The following SLC24A3 variants were observed in gnomAD, a reference collection of about 807,000 sequenced individuals.
SLC24A3 encodes the protein sodium/potassium/calcium exchanger 3.
Under a neutral mutation model 75.8 loss-of-function variants are expected in SLC24A3, and 28 were observed. The observed-to-expected ratio is 0.37, with a 90% CI of 0.27 to 0.51. SLC24A3 has a LOEUF of 0.51. Ranked by LOEUF, SLC24A3 falls within the 20% of genes least tolerant of loss-of-function variation. SLC24A3 has a pLI of 0.94. For missense variants in SLC24A3, 663 were observed against 847.8 expected (o/e 0.78, Z 2.71); for synonymous variants, 372 against 334.1 (o/e 1.11, Z -1.24).
intron 3 of SLC24A3, among the ~76,000 whole-genome samples, chr20:19,522,706 G>A (rs562156131): frequency 7.2e-4 from 110 of 152,216 alleles, no homozygotes; most frequent in African/African-American, 2.5e-3. Flanking sequence ...GTGAGCAACA[G>A]AACGGGGTGG....
At chr20:19,361,707 T>C (rs969931442) in intron 2 of SLC24A3, among the ~76,000 whole-genome samples, 19 of 152,206 alleles carry the variant, frequency 1.2e-4, no homozygotes, top group Admixed American at 1.0e-3. Flanking sequence ...CAGGGAAAAG[T>C]GTGTTGATGT....
At position 19,454,040 on chromosome 20, in the gene SLC24A3, C is replaced by A. The variant is rs1367000398; in HGVS notation, c.272-61448C>A. Among the ~76,000 whole-genome samples the A allele has an allele frequency of 8.5e-5, 13 of 152,222 alleles. 1 individual carries two copies. Among genetic ancestry groups the A allele is most frequent in the Admixed American group, 8.5e-4 (13 of 15,290 alleles). ...GATGCTAATGAATTATTCCTTGAAG[C>A]CTGACCAGCCTAGAGATACTCCCAT... is the stretch of plus-strand genomic sequence containing the variant. On this transcript the variant is annotated intron_variant, in intron 2 of 16. Coordinates refer to ENST00000328041, the MANE Select transcript of SLC24A3 (RefSeq NM_020689.4).
At position 19,325,779 on chromosome 20, in the gene SLC24A3, T is replaced by TAC. The variant is rs1157477036; in HGVS notation, c.271+44693_271+44694insCA. ...ATACATACATACATATATATATACA[T>TAC]ATATATATATATATATAGAGAGAGA... On this transcript the variant is annotated intron_variant, in intron 2 of 16. Coordinates refer to ENST00000328041, the MANE Select transcript of SLC24A3 (RefSeq NM_020689.4). 1.3e-4 allele frequency among the ~76,000 whole-genome samples: 11 copies of TAC among 87,358 alleles called. 1 individual carries two copies. The highest frequency in any genetic ancestry group is 2.7e-4 in the Non-Finnish European group (11 of 41,438). The allele number at this position is 87,358 out of a possible 152,430, so 57.3% of individuals were successfully genotyped here.
chr20:19,690,030 CAA>C (rs538406361), intron 12 of SLC24A3, among the ~76,000 whole-genome samples: 2,965 of 87,712 alleles, frequency 0.034, 23 homozygotes, highest in Middle Eastern at 0.12. Flanking sequence ...GACTCTGTCT[CAA>C]AAAAAAAAAA....
At chr20:19,661,985 G>A (rs1217099179) in intron 7 of SLC24A3, among the ~76,000 whole-genome samples, 1 of 152,196 alleles carries the variant, frequency 6.6e-6, no homozygotes, top group Non-Finnish European at 1.5e-5. Context: ...GTACCCAGCC[G>A]TTTCTCTGAA....
At chr20:19,352,044 C>G (rs139463104) in intron 2 of SLC24A3, among the ~76,000 whole-genome samples, 10 of 149,124 alleles carry the variant, frequency 6.7e-5, no homozygotes, top group Non-Finnish European at 1.3e-4. Context: ...GGGAGAGAAG[C>G]AGGACAGGGC....
chr20:19,658,985 C>T (rs2032296656), intron 7 of SLC24A3, among the ~76,000 whole-genome samples: 1 of 152,186 alleles, frequency 6.6e-6, no homozygotes, highest in East Asian at 1.9e-4. Flanking sequence ...TACATAAATG[C>T]AAATGATTCA....
At chr20:19,289,977 A>G (rs1983899619) in intron 2 of SLC24A3, among the ~76,000 whole-genome samples, 1 of 152,194 alleles carries the variant, frequency 6.6e-6, no homozygotes. Flanking sequence ...GCCTTAGGTC[A>G]CATAATCTGG....
intron 6 of SLC24A3, among the ~76,000 whole-genome samples, chr20:19,644,307 C>T (rs940040210): frequency 6.6e-6 from 1 of 152,180 alleles, no homozygotes; most frequent in Non-Finnish European, 1.5e-5. Flanking sequence ...ACCCTGAATT[C>T]TCTGTCCTCT....
At chr20:19,353,862 T>C (rs928188555) in intron 2 of SLC24A3, among the ~76,000 whole-genome samples, 1 of 152,334 alleles carries the variant, frequency 6.6e-6, no homozygotes, top group Admixed American at 6.5e-5. Flanking sequence ...CTCTAATATA[T>C]GGTTGATGGA....
chr20:19,685,349 T>C lies in SLC24A3; in HGVS notation c.1312T>C (p.Phe438Leu). 1 of 1,614,018 alleles carries C rather than the reference T, an allele frequency of 6.2e-7. No homozygotes were observed. Among genetic ancestry groups the C allele is most frequent in the East Asian group, 2.2e-5 (1 of 44,884 alleles). Residue 438 changes from phenylalanine (F) to leucine (L), a missense_variant, in exon 12 of 17, where the codon TTC becomes CTC. Physicochemically the swap from Phe to Leu is conservative, Grantham distance 22 (BLOSUM62 0). Around this residue, in one of 2 missense-constraint regions of SLC24A3, gnomAD observed 510 missense variants for 703.6 expected, o/e 0.72. Transcript: ENST00000328041. ...TGATGATGAAGGACCGTACACACCA[T>C]TCGACACCCCCTGTAAGAGGTTCTA... is the stretch of plus-strand genomic sequence containing the variant. Reference protein sequence around the residue: ...EDDDEGPYTPFDTPSGKLETV... With the variant: ...EDDDEGPYTPLDTPSGKLETV...
rs780176751 is a variant in SLC24A3, at chr20:19,654,171, G to C, written c.687+35G>C. 14 of 1,595,002 alleles carry C rather than the reference G, an allele frequency of 8.8e-6. No homozygotes were observed. In the South Asian group the frequency reaches 1.4e-4, roughly 16 times the overall value. On this transcript the variant is annotated intron_variant, in intron 7 of 16. Coordinates refer to ENST00000328041, the MANE Select transcript of SLC24A3 (RefSeq NM_020689.4). ...TCTGGCCATTTCAGCTCCCATCAGT[G>C]CTCTTTTAAGCACCAGGGGTGGTGT...
chr20:19,372,834 C>T (rs1379430264), intron 2 of SLC24A3, among the ~76,000 whole-genome samples: 2 of 152,132 alleles, frequency 1.3e-5, no homozygotes, highest in African/African-American at 2.4e-5. Flanking sequence ...GTACAACCAG[C>T]ACATTTCATC....
At chr20:19,397,453 C>A (rs1986473606) in intron 2 of SLC24A3, among the ~76,000 whole-genome samples, 1 of 152,120 alleles carries the variant, frequency 6.6e-6, no homozygotes, top group African/African-American at 2.4e-5. Context: ...GACTTGAGCC[C>A]AGGAGTTGAG....
intron 2 of SLC24A3, among the ~76,000 whole-genome samples, chr20:19,352,139 A>G (rs1600443569): frequency 7.0e-6 from 1 of 143,620 alleles, no homozygotes; most frequent in African/African-American, 2.5e-5. Flanking sequence ...AGGGGCGGGG[A>G]GGGGGTAGTT....
chr20:19,535,849 G>T (rs1371719366), intron 3 of SLC24A3, among the ~76,000 whole-genome samples: 1 of 152,126 alleles, frequency 6.6e-6, no homozygotes, highest in Admixed American at 6.5e-5. Context: ...TGTTAATCAT[G>T]GTTCTGGAGT....
chr20:19,328,590 T>C (rs926762096), intron 2 of SLC24A3, among the ~76,000 whole-genome samples: 3 of 152,080 alleles, frequency 2.0e-5, no homozygotes, highest in African/African-American at 7.2e-5. Flanking sequence ...GAAAGAGCAA[T>C]AGAAGACTCT....
chr20:19,397,934 G>A (rs997057704), intron 2 of SLC24A3, among the ~76,000 whole-genome samples: 2 of 152,122 alleles, frequency 1.3e-5, no homozygotes, highest in Non-Finnish European at 2.9e-5. Context: ...CTTGAGCAAG[G>A]AAGAGGCCCT....
At chr20:19,677,425 A>G (rs916570055) in intron 9 of SLC24A3, among the ~76,000 whole-genome samples, 5 of 152,166 alleles carry the variant, frequency 3.3e-5, no homozygotes, top group African/African-American at 1.2e-4. Context: ...TGTCGAATCT[A>G]GAAAGTGTGG....
Sources: allele counts gnomAD v4.1 joint callset (sites outside exome capture counted in the v4.1 genomes callset), GRCh38; gene constraint gnomAD v4.1.1; regional missense constraint gnomAD v4.1.1; transcripts MANE v1.5; gene names NCBI Gene and HGNC (gene_info 2026-07-23, HGNC 2026-07-21).